The following SNAP29 variants were observed in gnomAD, a reference collection of about 807,000 sequenced individuals.
SNAP29 encodes the protein synaptosomal-associated protein 29.
In SNAP29, 13 loss-of-function variants were observed where a neutral mutation model predicts 27.9. The observed-to-expected ratio is 0.47, with a 90% CI of 0.30 to 0.74. The LOEUF (loss-of-function observed/expected upper bound fraction) is 0.74, where lower values mean the gene tolerates loss of function less well. SNAP29 is among the 30% of genes least tolerant of loss of function. The pLI, the probability that SNAP29 is intolerant of heterozygous loss-of-function variation, is 0.06. For synonymous variants in SNAP29, 119 were observed against 127.1 expected (o/e 0.94, Z 0.43); for missense variants, 368 against 336.5 (o/e 1.09, Z -0.73).
chr22:20,887,739 T>C lies in SNAP29; in HGVS notation c.680T>C (p.Ile227Thr). 6.2e-7 allele frequency: 1 copy of C among 1,614,072 alleles called. No individual in the cohort carries two copies. Among genetic ancestry groups the C allele is most frequent in the East Asian group, 2.2e-5 (1 of 44,866 alleles). ...ATAGCCCTGGGGATGCAGACAGAAATTGAGGAGCAAGATGACATTCTTGAC... is the reference window on the plus strand; with the variant it reads ...ATAGCCCTGGGGATGCAGACAGAAACTGAGGAGCAAGATGACATTCTTGAC... ...KDIALGMQTE[I>T]EEQDDILDRL... The change falls in exon 5 of 5, where the codon ATT becomes ACT. Residue 227 changes from isoleucine (I) to threonine (T), a missense_variant. By Grantham distance (89) the Ile-to-Thr change is moderately conservative. Coordinates refer to ENST00000215730, the MANE Select transcript of SNAP29 (RefSeq NM_004782.4).
chr22:20,882,436 T>C (rs2147871809), intron 3 of SNAP29, among the ~76,000 whole-genome samples: 1 of 152,110 alleles, frequency 6.6e-6, no homozygotes, highest in Admixed American at 6.5e-5. Context: ...CCAGGTACAT[T>C]GAAATTGGTG....
At chr22:20,860,734 G>A (rs1928286986) in intron 1 of SNAP29, among the ~76,000 whole-genome samples, 1 of 151,908 alleles carries the variant, frequency 6.6e-6, no homozygotes, top group Non-Finnish European at 1.5e-5. Context: ...GTTTTGTTTG[G>A]ACAGAGAAAA....
intron 2 of SNAP29, among the ~76,000 whole-genome samples, chr22:20,872,567 A>AT (rs1928620088): frequency 6.6e-6 from 1 of 151,430 alleles, no homozygotes; most frequent in Non-Finnish European, 1.5e-5. Context: ...TGCCTGGCTA[A>AT]TTTTTTGTAT....
chr22:20,871,589 C>T (rs1485437886), intron 2 of SNAP29, among the ~76,000 whole-genome samples: 5 of 149,282 alleles, frequency 3.3e-5, no homozygotes, highest in Non-Finnish European at 7.4e-5. Flanking sequence ...TAAAATCATA[C>T]ATGAGACTGG....
rs921232946 is a variant in SNAP29, at chr22:20,881,891, A to G, written c.520+757A>G. 3.3e-5 allele frequency among the ~76,000 whole-genome samples: 5 copies of G among 152,298 alleles called. No homozygotes were observed. In the South Asian group the frequency reaches 1.0e-3, roughly 32 times the overall value. On this transcript the variant is annotated intron_variant, in intron 3 of 4. Transcript: ENST00000215730. ...GGTTATATGGCAAAGGTGGAATTAC[A>G]GTTGCAGATGGAGTTACAATTGCTA...
chr22:20,887,767 G>A lies in SNAP29; in HGVS notation c.708G>A (p.Arg236=), dbSNP rs1929054199. 3 of 1,614,200 alleles carry A rather than the reference G, an allele frequency of 1.9e-6. No homozygotes were observed. In the East Asian group the frequency reaches 6.7e-5, roughly 36 times the overall value. The change falls in exon 5 of 5, where the codon CGG becomes CGA. Residue 236 remains arginine, a synonymous_variant. Transcript: ENST00000215730. ...AGGAGCAAGATGACATTCTTGACCG[G>A]CTGACAACCAAAGTGGACAAGTTAG... is the stretch of plus-strand genomic sequence containing the variant. ...EIEEQDDILD[R]LTTKVDKLDV... is the part of the protein sequence containing the mutation.
chr22:20,886,731 C>T (rs1929024072), intron 4 of SNAP29, among the ~76,000 whole-genome samples: 3 of 152,072 alleles, frequency 2.0e-5, no homozygotes, highest in Admixed American at 6.6e-5. Context: ...CTTGCCTCAG[C>T]CTCCCGAGTA....
chr22:20,887,082 G>A (rs111266603), intron 4 of SNAP29, among the ~76,000 whole-genome samples: 5,420 of 151,914 alleles, frequency 0.036, 133 homozygotes, highest in Non-Finnish European at 0.056. Flanking sequence ...AAAATTAGTC[G>A]GGTGTGGTGG....
In SNAP29 at chr22:20,863,936, A is replaced by C. The variant is rs190339113; in HGVS notation, c.237+4589A>C. 1.7e-3 allele frequency among the ~76,000 whole-genome samples: 257 copies of C among 152,236 alleles called. 2 individuals carry two copies. The highest frequency in any genetic ancestry group is 6.0e-3 in the African/African-American group (248 of 41,542). On this transcript the variant is annotated intron_variant, in intron 1 of 4. Coordinates refer to ENST00000215730, the MANE Select transcript of SNAP29 (RefSeq NM_004782.4). ...GGAGTTTGTTCCACACTAGTATGTA[A>C]TGAGCTGGGCTTTCTTTTTGGCTGT... is the stretch of plus-strand genomic sequence containing the variant.
chr22:20,870,453 G>T lies in SNAP29; in HGVS notation c.354G>T (p.Gly118=), dbSNP rs1432466086. ...HINSIKSVFG[G]LVNYFKSKPV... ...ATAGCATTAAGAGCGTGTTTGGGGG[G>T]CTGGTCAATTACTTCAAATCCAAAC... Residue 118 remains glycine (G), a synonymous_variant, in exon 2 of 5, where the codon GGG becomes GGT. Coordinates refer to ENST00000215730, the MANE Select transcript of SNAP29 (RefSeq NM_004782.4). 1.2e-6 allele frequency: 2 copies of T among 1,614,170 alleles called. No individual in the cohort carries two copies. The highest frequency in any genetic ancestry group is 2.7e-5 in the African/African-American group (2 of 75,046).
chr22:20,880,773 C>T (rs887127977), intron 2 of SNAP29, among the ~76,000 whole-genome samples: 2 of 152,044 alleles, frequency 1.3e-5, no homozygotes, highest in Non-Finnish European at 2.9e-5. Flanking sequence ...GGCAATTCTC[C>T]CACCTCAGTT....
chr22:20,874,258 C>T (rs1055123977), intron 2 of SNAP29, among the ~76,000 whole-genome samples: 2 of 151,212 alleles, frequency 1.3e-5, no homozygotes, highest in South Asian at 2.1e-4. Flanking sequence ...GCTGAGATCA[C>T]GCCACTGCAC....
intron 2 of SNAP29, among the ~76,000 whole-genome samples, chr22:20,873,341 G>A (rs1020171817): frequency 2.0e-5 from 3 of 150,714 alleles, no homozygotes; most frequent in African/African-American, 7.3e-5. Context: ...GCATCACTAA[G>A]GTACAGTAAA....
chr22:20,873,964 CAAAAAAAAAAAAAA>C (rs362036), intron 2 of SNAP29, among the ~76,000 whole-genome samples: 13 of 25,978 alleles, frequency 5.0e-4, no homozygotes, highest in Admixed American at 2.0e-3. Flanking sequence ...GACTCTGTCT[CAAAAAAAAAAAAAA>C]AAAAAAAAAA....
chr22:20,864,084 C>G (rs1420498050), intron 1 of SNAP29, among the ~76,000 whole-genome samples: 1 of 152,112 alleles, frequency 6.6e-6, no homozygotes, highest in Non-Finnish European at 1.5e-5. Context: ...TTTTTGTACA[C>G]CTTTTCATCA....
chr22:20,870,964 C>T (rs938678237), intron 2 of SNAP29: 1 of 297,124 alleles, frequency 3.4e-6, no homozygotes, highest in Admixed American at 4.8e-5. Context: ...TAGTGGGAAC[C>T]CAGTCTTTAC....
In SNAP29 at chr22:20,864,589, C is replaced by T. The variant is rs118185363; in HGVS notation, c.237+5242C>T. On this transcript the variant is annotated intron_variant, in intron 1 of 4. Coordinates refer to ENST00000215730, the MANE Select transcript of SNAP29 (RefSeq NM_004782.4). Reference sequence around the variant, plus strand: ...CCCTCTGAGGCAGCGTGTGGTGATACTGATGCAGCCAGAGTTCTTAGCAAA... The same window carrying T: ...CCCTCTGAGGCAGCGTGTGGTGATATTGATGCAGCCAGAGTTCTTAGCAAA... Among the ~76,000 whole-genome samples, 1,156 of 152,298 alleles carry T rather than the reference C, an allele frequency of 7.6e-3. 11 individuals are homozygous for T. Among genetic ancestry groups the T allele is most frequent in the East Asian group, 0.055 (283 of 5,182 alleles).
In SNAP29 at chr22:20,888,067, G is replaced by GC; in HGVS notation, c.*231_*232insC. The GC allele has an allele frequency of 3.7e-6, 2 of 533,786 alleles. No homozygotes were observed. The allele number at this position is 533,786 out of a possible 1,614,324, so 33.1% of individuals were successfully genotyped here. A position where few individuals can be genotyped will look rare whatever the true frequency, so the allele number is the denominator to read the frequency against. On this transcript the variant is annotated 3_prime_UTR_variant, in exon 5 of 5. Coordinates refer to ENST00000215730, the MANE Select transcript of SNAP29 (RefSeq NM_004782.4). ...CAGCAAAATGCTTATTAGAGTTTTT[G>GC]TCTGAGCACAGTAGCCTGGCCCTGC... is the stretch of plus-strand genomic sequence containing the variant.
At chr22:20,882,262 C>G (rs1207936883) in intron 3 of SNAP29, among the ~76,000 whole-genome samples, 1 of 151,594 alleles carries the variant, frequency 6.6e-6, no homozygotes, top group African/African-American at 2.4e-5. Context: ...GGGACTAATA[C>G]AGCCTCCAGC....
Sources: allele counts gnomAD v4.1 joint callset (sites outside exome capture counted in the v4.1 genomes callset), GRCh38; gene constraint gnomAD v4.1.1; transcripts MANE v1.5; gene names NCBI Gene and HGNC (gene_info 2026-07-23, HGNC 2026-07-21).